CLASP2: variants seen among roughly 807,000 people sequenced by gnomAD.
CLASP2 encodes the protein cytoplasmic linker associated protein 2.
A neutral mutation model predicts 194.4 loss-of-function variants in CLASP2; 47 were observed. That is an observed-to-expected ratio of 0.24 (90% CI 0.19 to 0.31). The LOEUF is 0.31. CLASP2 is among the 10% of genes least tolerant of loss of function. CLASP2 has a pLI of 1.00. For synonymous variants in CLASP2, 619 were observed against 633.5 expected (o/e 0.98, Z 0.34); for missense variants, 1,445 against 1,823.6 (o/e 0.79, Z 3.78).
chr3:33,611,453 ACT>A (rs201363657), intron 13 of CLASP2, among the ~76,000 whole-genome samples: 1,719 of 152,220 alleles, frequency 0.011, 25 homozygotes, highest in South Asian at 0.016. Flanking sequence ...TTTCAGAGAA[ACT>A]CTCTTGTTAT....
At chr3:33,500,414 G>A (rs2046573877) in intron 38 of CLASP2, among the ~76,000 whole-genome samples, 1 of 152,068 alleles carries the variant, frequency 6.6e-6, no homozygotes, top group African/African-American at 2.4e-5. Flanking sequence ...CTACTGTTCT[G>A]ATAAAGTGCT....
intron 34 of CLASP2, among the ~76,000 whole-genome samples, chr3:33,520,123 C>T (rs183889434): frequency 2.6e-5 from 4 of 152,270 alleles, no homozygotes; most frequent in East Asian, 1.9e-4. Context: ...AAGCCATTCT[C>T]GTGCCTCAGC....
At chr3:33,505,269 A>AACAACAACAACAAC (rs1559763839) in intron 37 of CLASP2, 4 of 126,540 alleles carry the variant, frequency 3.2e-5, no homozygotes, top group Admixed American at 1.5e-4. Context: ...ACAACAACAA[A>AACAACAACAACAAC]ACATAACCAC....
intron 26 of CLASP2, among the ~76,000 whole-genome samples, chr3:33,567,045 T>A (rs2062866168): frequency 6.6e-6 from 1 of 152,138 alleles, no homozygotes; most frequent in Non-Finnish European, 1.5e-5. Context: ...AGGTTAAACA[T>A]CTGAAAATAA....
intron 7 of CLASP2, among the ~76,000 whole-genome samples, chr3:33,649,924 A>T (rs2082901977): frequency 1.3e-5 from 2 of 152,174 alleles, no homozygotes; most frequent in Non-Finnish European, 2.9e-5. Flanking sequence ...CAACAGCCAA[A>T]CAAAATGCAA....
chr3:33,688,512 A>T, intron 3 of CLASP2, 144 bp from the exon 4 acceptor site: 1 of 632,094 alleles, frequency 1.6e-6, no homozygotes, highest in South Asian at 2.3e-5. Context: ...ACTACTTACA[A>T]GTTTTTCTAA....
intron 7 of CLASP2, among the ~76,000 whole-genome samples, chr3:33,653,079 G>A (rs887586535): frequency 3.3e-5 from 5 of 152,132 alleles, no homozygotes; most frequent in Non-Finnish European, 7.4e-5. Context: ...ATCAACAGCT[G>A]CCAAAAACAC....
intron 1 of CLASP2, among the ~76,000 whole-genome samples, chr3:33,708,492 ATATATATATATATG>A (rs1400786351): frequency 0.013 from 21 of 1,672 alleles, no homozygotes; most frequent in South Asian, 0.087. Flanking sequence ...GTGTGTATGT[ATATATATATATATG>A]TATATATATG....
intron 10 of CLASP2, among the ~76,000 whole-genome samples, chr3:33,624,443 T>C (rs1215067605): frequency 6.6e-6 from 1 of 152,074 alleles, no homozygotes; most frequent in Non-Finnish European, 1.5e-5. Flanking sequence ...TAAAATTACC[T>C]GCAACGTATA....
At chr3:33,663,216 AAG>A (rs1054690733) in intron 7 of CLASP2, among the ~76,000 whole-genome samples, 4 of 151,128 alleles carry the variant, frequency 2.6e-5, no homozygotes, top group African/African-American at 4.9e-5. Flanking sequence ...AAAAAAAAAA[AAG>A]AACAGTATCA....
intron 38 of CLASP2, 84 bp downstream of exon 38, chr3:33,501,568 A>G: frequency 1.3e-6 from 1 of 796,100 alleles, no homozygotes; most frequent in Non-Finnish European, 2.1e-6. Context: ...ATGCCAAATA[A>G]AAAGCTTACT....
rs770606228 is a variant in CLASP2, at chr3:33,551,238, A to C, written c.3153+14T>G. 6.2e-7 allele frequency: 1 copy of C among 1,602,072 alleles called. No homozygotes were observed. Among genetic ancestry groups the C allele is most frequent in the East Asian group, 2.2e-5 (1 of 44,704 alleles). ...TTTCCCAATTTATCTTCTAAACCTC[A>C]TATTAAAATATACCTTCCGAACATC... On this transcript the variant is annotated intron_variant, in intron 30 of 38. Transcript: ENST00000682230.
rs140311097 is a variant in CLASP2 at position 33,600,506 on chromosome 3, C to T, written c.1924+2446G>A. ...GGTCCTTTCTTCTATTAATATGGTA[C>T]ATTTGTTGACTGGTCTTCACATACT... is the stretch of plus-strand genomic sequence containing the variant. On this transcript the variant is annotated intron_variant, in intron 18 of 38. Coordinates refer to ENST00000682230, the MANE Select transcript of CLASP2 (RefSeq NM_001365631.1). 3.0e-4 allele frequency among the ~76,000 whole-genome samples: 46 copies of T among 152,252 alleles called. No homozygotes were observed. The East Asian group carries it at 5.8e-3, about 19-fold the overall frequency.
intron 29 of CLASP2, 94 bp downstream of exon 29, chr3:33,559,213 G>A (rs1172558960): frequency 2.3e-6 from 2 of 863,828 alleles, no homozygotes; most frequent in African/African-American, 1.7e-5. Flanking sequence ...TGATTGAACA[G>A]CTTCTCATGT....
intron 29 of CLASP2, among the ~76,000 whole-genome samples, chr3:33,555,219 C>T (rs555488946): frequency 6.6e-6 from 1 of 151,990 alleles, no homozygotes; most frequent in Non-Finnish European, 1.5e-5. Flanking sequence ...AATTAAAAGA[C>T]ATATTTATAA....
Position 33,596,773 on chromosome 3 carries a change from A to G in CLASP2, c.1925-39T>C. ...ACAAGCAAAGAACAGAGGAAAACTT[A>G]GTATATTAGAAGAAATGATTTTTAT... On this transcript the variant is annotated intron_variant, in intron 18 of 38. Transcript: ENST00000682230. 4.1e-6 allele frequency: 6 copies of G among 1,477,690 alleles called. No individual in the cohort carries two copies. In the South Asian group the frequency reaches 6.3e-5, roughly 15 times the overall value. 91.5% of individuals were successfully genotyped at this position (1,477,690 alleles called of 1,614,324 possible).
intron 30 of CLASP2, among the ~76,000 whole-genome samples, chr3:33,547,787 T>C (rs1355414925): frequency 2.7e-5 from 4 of 147,212 alleles, no homozygotes; most frequent in South Asian, 4.3e-4. Flanking sequence ...TTTTATTTTA[T>C]GTATTTTTTT....
At chr3:33,640,602 C>T (rs1174891832) in intron 8 of CLASP2, among the ~76,000 whole-genome samples, 1 of 152,002 alleles carries the variant, frequency 6.6e-6, no homozygotes, top group Non-Finnish European at 1.5e-5. Context: ...AATGATGTGT[C>T]TCAATGATTA....
rs535895078 is a variant in CLASP2, at chr3:33,570,628, T to A, written c.2763+99A>T. The A allele has an allele frequency of 4.3e-5, 61 of 1,411,058 alleles. No individual in the cohort carries two copies. In the East Asian group the frequency reaches 1.4e-3, roughly 32 times the overall value. 87.4% of individuals were successfully genotyped at this position (1,411,058 alleles called of 1,614,324 possible). On this transcript the variant is annotated intron_variant, in intron 26 of 38. Coordinates refer to ENST00000682230, the MANE Select transcript of CLASP2 (RefSeq NM_001365631.1). ...TTATGCTTGAAAATATTACTGCCAT[T>A]TTGGGACAATAAAATAAAAATGGCC...
Sources: gnomAD v4.1 joint callset for allele counts (sites outside exome capture counted in the v4.1 genomes callset) on GRCh38, gnomAD v4.1.1 for gene constraint, MANE v1.5 for transcripts, NCBI Gene and HGNC (gene_info 2026-07-23, HGNC 2026-07-21) for gene names.